Variants in RNF216 observed in about 807,000 individuals in gnomAD.
RNF216 encodes ring finger protein 216, also known as E3 ubiquitin-protein ligase RNF216.
A neutral mutation model predicts 110.8 loss-of-function variants in RNF216; 72 were observed. The observed-to-expected ratio is 0.65, with a 90% CI of 0.54 to 0.79. RNF216 has a LOEUF of 0.79. Among genes scored for constraint, RNF216 ranks in the 30% least tolerant of loss-of-function variants. RNF216 has a pLI of 0.00. For missense variants in RNF216, 1,342 were observed against 1,141.2 expected (o/e 1.18, Z -2.54); for synonymous variants, 495 against 407.5 (o/e 1.21, Z -2.59).
rs763585187 is a variant in RNF216 at position 5,623,091 on chromosome 7, C to G, written c.2541G>C (p.Gln847His). The G allele has an allele frequency of 6.8e-6, 11 of 1,611,338 alleles. No homozygotes were observed. Among genetic ancestry groups the G allele is most frequent in the Middle Eastern group, 1.7e-4 (1 of 6,050 alleles). Reference protein sequence around the residue: ...RVEALPRPVPQNLPQPQMPPY... With the variant: ...RVEALPRPVPHNLPQPQMPPY... ...GTGGCATCTGTGGCTGTGGCAGGTT[C>G]TGCGGAACGGGCCTCGGGAGGGCCT... The change falls in exon 17 of 17, where the codon CAG becomes CAC. Residue 847 changes from glutamine to histidine, a missense_variant. Gln to His is a conservative substitution (Grantham distance 24). Transcript: ENST00000389902.
chr7:5,624,244 T>A lies in RNF216; in HGVS notation c.2383-119A>T, dbSNP rs1186216633. On this transcript the variant is annotated intron_variant, in intron 15 of 16. Transcript: ENST00000389902. The surrounding 1 kb of genome is among the most constrained non-coding windows in gnomAD (Gnocchi z 4.4). Reference sequence around the variant, plus strand: ...ATGGAACAAGCCCGAAGCCTGCTGCTGGCCAGTGGGGCCTGGGCTGCACAC... The same window carrying A: ...ATGGAACAAGCCCGAAGCCTGCTGCAGGCCAGTGGGGCCTGGGCTGCACAC... 1 of 776,128 alleles carries A rather than the reference T, an allele frequency of 1.3e-6. No individual in the cohort carries two copies. Among genetic ancestry groups the A allele is most frequent in the East Asian group, 2.6e-5 (1 of 38,258 alleles). The allele number at this position is 776,128 out of a possible 1,614,324, so 48.1% of individuals were successfully genotyped here.
intron 13 of RNF216, among the ~76,000 whole-genome samples, chr7:5,658,448 G>C (rs906634731): frequency 2.0e-5 from 3 of 152,032 alleles, no homozygotes; most frequent in Non-Finnish European, 4.4e-5. Flanking sequence ...CGTAAGCCCA[G>C]GAGTTTGAGA....
chr7:5,774,120 T>C (rs118091325), intron 1 of RNF216, among the ~76,000 whole-genome samples: 3,015 of 152,358 alleles, frequency 0.02, 45 homozygotes, highest in Non-Finnish European at 0.031. Flanking sequence ...TATCAGGTCA[T>C]TTAACTCTCT....
Position 5,623,481 on chromosome 7 carries a change from T to A in RNF216, c.2453-302A>T, listed in dbSNP as rs538760651. On this transcript the variant is annotated intron_variant, in intron 16 of 16. Transcript: ENST00000389902. ...ACTCAGTTACTTTTTTTTTTTTTTT[T>A]AATAGATGGGGTTTTGCCATGTTGC... Among the ~76,000 whole-genome samples, 706 of 151,052 alleles carry A rather than the reference T, an allele frequency of 4.7e-3. 5 individuals carry two copies. Among genetic ancestry groups the A allele is most frequent in the Middle Eastern group, 6.8e-3 (2 of 292 alleles).
chr7:5,726,187 C>A (rs1337901098), intron 7 of RNF216, among the ~76,000 whole-genome samples: 1 of 152,032 alleles, frequency 6.6e-6, no homozygotes, highest in Non-Finnish European at 1.5e-5. Flanking sequence ...TAAGATAGGA[C>A]AATCACTTGA....
At chr7:5,714,819 G>A (rs935590731) in intron 11 of RNF216, among the ~76,000 whole-genome samples, 72 of 152,276 alleles carry the variant, frequency 4.7e-4, no homozygotes, top group African/African-American at 1.7e-3. Flanking sequence ...AACGAAGGAG[G>A]TGCTCCTCTG....
intron 14 of RNF216, among the ~76,000 whole-genome samples, chr7:5,647,380 C>T (rs1788119505): frequency 7.7e-6 from 1 of 129,546 alleles, no homozygotes; most frequent in African/African-American, 2.9e-5. Flanking sequence ...GTTGTTCAGG[C>T]TGGAGTACAC....
At chr7:5,625,395 C>T (rs1255721651) in intron 15 of RNF216, among the ~76,000 whole-genome samples, 1 of 152,152 alleles carries the variant, frequency 6.6e-6, no homozygotes, top group Non-Finnish European at 1.5e-5. Context: ...AAATATCTGG[C>T]CAATTTCTTT....
At position 5,725,179 on chromosome 7, in the gene RNF216, A is replaced by G; in HGVS notation, c.1504+145T>C. The stretch of plus-strand genomic sequence containing the variant: ...ACTTCCTAAAAATTTTGATGTGCTG[A>G]GAAAATAGTTCCTGTCAGTCACTCC... On this transcript the variant is annotated intron_variant, in intron 8 of 16. Coordinates refer to ENST00000389902, the MANE Select transcript of RNF216 (RefSeq NM_207111.4). 7 of 519,318 alleles carry G rather than the reference A, an allele frequency of 1.3e-5. No homozygotes were observed. The South Asian group carries it at 1.9e-4, about 14-fold the overall frequency. The allele number at this position is 519,318 out of a possible 1,614,324, so 32.2% of individuals were successfully genotyped here.
chr7:5,749,414 G>T (rs1795219983), intron 3 of RNF216, among the ~76,000 whole-genome samples: 1 of 152,166 alleles, frequency 6.6e-6, no homozygotes, highest in Non-Finnish European at 1.5e-5. Context: ...GCCTCCCAAA[G>T]TGCTGGGATT....
At chr7:5,688,267 A>G (rs371491830) in intron 13 of RNF216, among the ~76,000 whole-genome samples, 2 of 152,224 alleles carry the variant, frequency 1.3e-5, no homozygotes, top group East Asian at 3.8e-4. Context: ...GTAACTAGAC[A>G]GTAAATTGAG....
At chr7:5,695,663 G>C (rs1387042990) in intron 13 of RNF216, among the ~76,000 whole-genome samples, 2 of 152,208 alleles carry the variant, frequency 1.3e-5, no homozygotes, top group Non-Finnish European at 2.9e-5. Context: ...GTTGTCATTT[G>C]TTGTGGTTTT....
At chr7:5,652,535 G>C (rs1158767228) in intron 13 of RNF216, 25 bp from the exon 14 acceptor site, 3 of 1,503,580 alleles carry the variant, frequency 2.0e-6, no homozygotes, top group Non-Finnish European at 2.8e-6. Flanking sequence ...CAGACACAAA[G>C]ACAACTCCTG....
At chr7:5,671,413 G>A (rs1789899818) in intron 13 of RNF216, among the ~76,000 whole-genome samples, 1 of 152,174 alleles carries the variant, frequency 6.6e-6, no homozygotes, top group Admixed American at 6.5e-5. Context: ...CTGACACCTT[G>A]GACAATGACT....
At chr7:5,685,397 G>A (rs561927287) in intron 13 of RNF216, among the ~76,000 whole-genome samples, 23 of 152,322 alleles carry the variant, frequency 1.5e-4, no homozygotes, top group South Asian at 6.2e-4. Flanking sequence ...CCCCACAGAA[G>A]CCCTGGGATG....
At chr7:5,646,148 G>A (rs1788035010) in intron 14 of RNF216, among the ~76,000 whole-genome samples, 1 of 152,212 alleles carries the variant, frequency 6.6e-6, no homozygotes, top group South Asian at 2.1e-4. Context: ...ATACTGAGAA[G>A]AGTCTAGAAA....
intron 13 of RNF216, among the ~76,000 whole-genome samples, chr7:5,666,023 G>A (rs1283650548): frequency 1.3e-5 from 2 of 152,014 alleles, no homozygotes; most frequent in East Asian, 1.9e-4. Flanking sequence ...AAAATTAGCC[G>A]GGCGTGGTGG....
At chr7:5,643,978 GTGT>G (rs1479174805) in intron 14 of RNF216, among the ~76,000 whole-genome samples, 1 of 152,116 alleles carries the variant, frequency 6.6e-6, no homozygotes, top group East Asian at 1.9e-4. Context: ...TTCACTTAGT[GTGT>G]TGTTTTCTAG....
chr7:5,748,843 A>AC (rs1393646899), intron 3 of RNF216, among the ~76,000 whole-genome samples: 3 of 152,184 alleles, frequency 2.0e-5, no homozygotes, highest in African/African-American at 7.2e-5. Context: ...GGCACCCCTA[A>AC]CCACCATGTT....
Sources: gnomAD v4.1 joint callset for allele counts (sites outside exome capture counted in the v4.1 genomes callset) on GRCh38, gnomAD v4.1.1 for gene constraint, Gnocchi (gnomAD v3.1) non-coding constraint, MANE v1.5 for transcripts, NCBI Gene and HGNC (gene_info 2026-07-23, HGNC 2026-07-21) for gene names.